The following RLF variants were observed in gnomAD, a reference collection of about 807,000 sequenced individuals.
RLF encodes the protein RLF zinc finger.
Under a neutral mutation model 162.9 loss-of-function variants are expected in RLF, and 7 were observed. The observed-to-expected ratio is 0.04, with a 90% confidence interval of 0.02 to 0.08. RLF has a LOEUF of 0.08. Among genes scored for constraint, RLF ranks in the 10% least tolerant of loss-of-function variants. The probability of loss-of-function intolerance (pLI) is 1.00; values close to 1 mark genes in which losing one functional copy is unlikely to be tolerated. For synonymous variants in RLF, 782 were observed against 791.5 expected, an observed-to-expected ratio of 0.99 and a Z score of 0.20; for missense variants, 1,664 against 2,244.7, an observed-to-expected ratio of 0.74 and a Z score of 5.23.
At chr1:40,210,873 T>A (rs1014767935) in intron 5 of RLF, among the ~76,000 whole-genome samples, 11 of 152,232 alleles carry the variant, frequency 7.2e-5, no homozygotes, top group African/African-American at 2.2e-4. Context: ...CTTTGTTTTA[T>A]ACATGATCTT....
At chr1:40,172,555 C>T (rs61780418) in intron 1 of RLF, among the ~76,000 whole-genome samples, 7,914 of 152,116 alleles carry the variant, frequency 0.052, 602 homozygotes, top group African/African-American at 0.17. Flanking sequence ...GAGGCTGAGG[C>T]GGGTGGATCA....
At chr1:40,208,335 T>C (rs573331449) in intron 5 of RLF, among the ~76,000 whole-genome samples, 5 of 152,340 alleles carry the variant, frequency 3.3e-5, no homozygotes, top group African/African-American at 1.2e-4. Context: ...CATTAATAAA[T>C]GTTCTTATTT....
chr1:40,238,046 C>A lies in RLF; in HGVS notation c.3344C>A (p.Pro1115Gln), dbSNP rs1437179458. The change falls in exon 8 of 8, where the codon CCA becomes CAA. Residue 1115 changes from proline (P) to glutamine (Q), a missense_variant. Transcript: ENST00000372771. The surrounding 1 kb of genome is among the most constrained non-coding windows in gnomAD (Gnocchi z 5.2). ...LNFQNQDENM[P>Q]SQYLAQLAAK... Reference sequence around the variant, plus strand: ...TTTCAGAATCAAGATGAAAACATGCCAAGTCAGTACCTTGCACAGTTGGCG... The same window carrying A: ...TTTCAGAATCAAGATGAAAACATGCAAAGTCAGTACCTTGCACAGTTGGCG... 1 of 1,614,038 alleles carries A rather than the reference C, an allele frequency of 6.2e-7. No individual in the cohort carries two copies. The highest frequency in any genetic ancestry group is 8.5e-7 in the Non-Finnish European group (1 of 1,179,992).
intron 3 of RLF, among the ~76,000 whole-genome samples, chr1:40,194,807 GTTATTTATTTATTTATTTAT>G (rs56209515): frequency 9.7e-5 from 14 of 144,146 alleles, no homozygotes; most frequent in Admixed American, 4.2e-4. Context: ...AAACATCCTA[GTTATTTATTTATTTATTTAT>G]TTATTTATTT....
Position 40,216,626 on chromosome 1 carries a change from A to G in RLF, c.811-5948A>G, listed in dbSNP as rs191271953. Among the ~76,000 whole-genome samples, 12 of 152,254 alleles carry G rather than the reference A, an allele frequency of 7.9e-5. No homozygotes were observed. In the East Asian group the frequency reaches 2.3e-3, roughly 29 times the overall value. On this transcript the variant is annotated intron_variant, in intron 5 of 7. Coordinates refer to ENST00000372771, the MANE Select transcript of RLF (RefSeq NM_012421.4). ...TCCACAGGGCCTCACTGTACAAAAC[A>G]TTTACGGAAGAATTAATACCAGTCC...
At chr1:40,200,938 ACT>A (rs1491495228) in intron 4 of RLF, among the ~76,000 whole-genome samples, 4 of 105,592 alleles carry the variant, frequency 3.8e-5, no homozygotes, top group Non-Finnish European at 7.4e-5. Flanking sequence ...ACACACACAC[ACT>A]GGTTTATCCT....
At chr1:40,185,672 AAAAAAAT>A (rs1642466630) in intron 1 of RLF, among the ~76,000 whole-genome samples, 1 of 139,540 alleles carries the variant, frequency 7.2e-6, no homozygotes. Flanking sequence ...AAAAAAAAAA[AAAAAAAT>A]TAGCCGGGCA....
In RLF at chr1:40,235,825, C is replaced by T; in HGVS notation, c.1123C>T (p.Leu375=). 1 of 1,601,756 alleles carries T rather than the reference C, an allele frequency of 6.2e-7. No individual in the cohort carries two copies. ...QDAGLGVSIL[L]CVRALQLRSS... ...TGCTGGTCTTGGGGTGTCAATTTTACTGTGTGTCAGAGCTCTTCAACTCAG... is the reference window on the plus strand; with the variant it reads ...TGCTGGTCTTGGGGTGTCAATTTTATTGTGTGTCAGAGCTCTTCAACTCAG... Residue 375 remains leucine, a synonymous_variant, in exon 8 of 8, where the codon CTG becomes TTG. Transcript: ENST00000372771.
intron 1 of RLF, among the ~76,000 whole-genome samples, chr1:40,181,791 A>G (rs776413978): frequency 6.6e-6 from 1 of 152,238 alleles, no homozygotes; most frequent in Non-Finnish European, 1.5e-5. Flanking sequence ...AGGAATGTAC[A>G]TTGGAACAAA....
intron 2 of RLF, 84 bp downstream of exon 2, chr1:40,189,293 C>T (rs1642525974): frequency 2.0e-5 from 23 of 1,127,028 alleles, no homozygotes; most frequent in Non-Finnish European, 2.8e-5. Context: ...AGTGGCATCA[C>T]ATTTATTCTT....
intron 3 of RLF, among the ~76,000 whole-genome samples, chr1:40,191,686 C>T (rs538606702): frequency 2.6e-5 from 4 of 152,270 alleles, no homozygotes; most frequent in Admixed American, 6.5e-5. Flanking sequence ...CACTGCACTC[C>T]AGCCTGGGTG....
chr1:40,237,396 T>A lies in RLF; in HGVS notation c.2694T>A (p.Asp898Glu). ...AAAACAGTGACAGTAATTCTAGTGA[T>A]CAGTTAAGTCATAGCTCTTCAGCTT... ...LKENSDSNSS[D>E]QLSHSSSASM... The change falls in exon 8 of 8, where the codon GAT (aspartate) becomes GAA (glutamate). Residue 898 changes from aspartate (D) to glutamate (E), a missense_variant. This residue lies in a region of RLF where 295 missense variants were observed against 317.4 expected (regional missense o/e 0.93). Coordinates refer to ENST00000372771, the MANE Select transcript of RLF (RefSeq NM_012421.4). This position sits in a 1 kb window ranked among gnomAD's most constrained non-coding sequence, Gnocchi z 4.4. 1 of 1,613,952 alleles carries A rather than the reference T, an allele frequency of 6.2e-7. No homozygotes were observed. Among genetic ancestry groups the A allele is most frequent in the Non-Finnish European group, 8.5e-7 (1 of 1,179,948 alleles).
chr1:40,225,257 C>T (rs1643053597), intron 6 of RLF, among the ~76,000 whole-genome samples: 1 of 152,004 alleles, frequency 6.6e-6, no homozygotes, highest in African/African-American at 2.4e-5. Context: ...AGTGTAGTTA[C>T]CATGAAGATA....
intron 7 of RLF, among the ~76,000 whole-genome samples, chr1:40,232,893 T>C (rs993500499): frequency 1.3e-5 from 2 of 152,028 alleles, no homozygotes; most frequent in Non-Finnish European, 2.9e-5. Context: ...CGGGGAGCAG[T>C]GGTAGATACA....
intron 1 of RLF, among the ~76,000 whole-genome samples, chr1:40,173,476 A>G (rs1174404848): frequency 6.6e-6 from 1 of 151,410 alleles, no homozygotes; most frequent in African/African-American, 2.4e-5. Context: ...GTTAAAAGTC[A>G]TTAAAACTAG....
chr1:40,177,132 C>T (rs1467159066), intron 1 of RLF, among the ~76,000 whole-genome samples: 1 of 151,820 alleles, frequency 6.6e-6, no homozygotes, highest in Non-Finnish European at 1.5e-5. Context: ...GGAACAGGCG[C>T]CCACCACCAC....
chr1:40,229,448 CTT>C (rs1005418216), intron 6 of RLF, among the ~76,000 whole-genome samples: 1,211 of 90,942 alleles, frequency 0.013, 8 homozygotes, highest in African/African-American at 0.051. Flanking sequence ...ATTCATTTAT[CTT>C]TTTTTTTTTT....
At chr1:40,191,290 C>T (rs983034720) in intron 3 of RLF, among the ~76,000 whole-genome samples, 7 of 152,154 alleles carry the variant, frequency 4.6e-5, no homozygotes, top group Non-Finnish European at 1.0e-4. Context: ...GTAATCCCAA[C>T]ACTTTGTGAG....
rs771224977 is a variant in RLF, at chr1:40,240,251, AAAC to A, written c.5557_5559del (p.Thr1853del). Reference sequence around the variant, plus strand: ...GCAATCCCACCTTTAATAGTAGCTGAAACAACAACAGTTCCTTCCTTGGAAAAC... The same window carrying A: ...GCAATCCCACCTTTAATAGTAGCTGAAACAACAGTTCCTTCCTTGGAAAAC... On this transcript the variant is annotated inframe_deletion, in exon 8 of 8. Coordinates refer to ENST00000372771, the MANE Select transcript of RLF (RefSeq NM_012421.4). 1.1e-5 allele frequency: 17 copies of A among 1,614,200 alleles called. No individual in the cohort carries two copies. Among genetic ancestry groups the A allele is most frequent in the Non-Finnish European group, 1.3e-5 (15 of 1,180,034 alleles).
Sources: gnomAD v4.1 joint callset for allele counts (sites outside exome capture counted in the v4.1 genomes callset) on GRCh38, gnomAD v4.1.1 for gene constraint, gnomAD v4.1.1 regional missense constraint, Gnocchi (gnomAD v3.1) non-coding constraint, MANE v1.5 for transcripts, NCBI Gene and HGNC (gene_info 2026-07-23, HGNC 2026-07-21) for gene names.